Variants in ADARB2 observed in about 807,000 individuals in gnomAD.
ADARB2 encodes adenosine deaminase RNA specific B2 (inactive).
Under a neutral mutation model 62.2 loss-of-function variants are expected in ADARB2, and 25 were observed. The observed-to-expected ratio is 0.40, with a 90% CI of 0.29 to 0.56. ADARB2 has a LOEUF of 0.56. Ranked by LOEUF, ADARB2 falls within the 20% of genes least tolerant of loss-of-function variation. ADARB2 has a pLI of 0.43. For missense variants in ADARB2, 1,071 were observed against 1,077.4 expected, an observed-to-expected ratio of 0.99 and a Z score of 0.08; for synonymous variants, 572 against 500.8, an observed-to-expected ratio of 1.14 and a Z score of -1.90.
chr10:1,473,029 C>A lies in ADARB2; in HGVS notation c.101-93869G>T, dbSNP rs143512374. Among the ~76,000 whole-genome samples, 65 of 152,300 alleles carry A rather than the reference C, an allele frequency of 4.3e-4. 2 individuals are homozygous for A. The highest frequency in any genetic ancestry group is 8.2e-4 in the Non-Finnish European group (56 of 68,022). ...AACTGGGCTAGTGGGCTCAGGCGTG[C>A]ACATGTGGACAGCCCACTCCAAGCG... On this transcript the variant is annotated intron_variant, in intron 1 of 9. Coordinates refer to ENST00000381312, the MANE Select transcript of ADARB2 (RefSeq NM_018702.4).
intron 1 of ADARB2, among the ~76,000 whole-genome samples, chr10:1,585,774 C>T (rs3956254): frequency 0.13 from 19,457 of 152,212 alleles, 1,385 homozygotes; most frequent in East Asian, 0.19. Context: ...GTGTCTCACA[C>T]CTGTAATCTC....
chr10:1,717,412 G>A lies in ADARB2; in HGVS notation c.100+19639C>T, dbSNP rs190536352. On this transcript the variant is annotated intron_variant, in intron 1 of 9. Coordinates refer to ENST00000381312, the MANE Select transcript of ADARB2 (RefSeq NM_018702.4). ...TCCCTCTGCACCCACTCCTCAGACG[G>A]GTCCTCACTCTCAGACCCTGCGCGA... is the stretch of plus-strand genomic sequence containing the variant. Among the ~76,000 whole-genome samples the A allele has an allele frequency of 3.7e-3, 567 of 151,416 alleles. 4 individuals are homozygous for A. The highest frequency in any genetic ancestry group is 0.013 in the African/African-American group (542 of 41,256).
intron 3 of ADARB2, among the ~76,000 whole-genome samples, chr10:1,339,275 G>A (rs1159925024): frequency 6.6e-6 from 1 of 152,212 alleles, no homozygotes; most frequent in African/African-American, 2.4e-5. Flanking sequence ...GCAACATGGT[G>A]ACCACGATTC....
At chr10:1,416,054 G>C (rs1165476816) in intron 1 of ADARB2, among the ~76,000 whole-genome samples, 1 of 152,234 alleles carries the variant, frequency 6.6e-6, no homozygotes, top group East Asian at 1.9e-4. Flanking sequence ...GGCTTAACAA[G>C]CAGTACACAT....
chr10:1,408,969 T>C (rs1832730733), intron 1 of ADARB2, among the ~76,000 whole-genome samples: 1 of 152,154 alleles, frequency 6.6e-6, no homozygotes, highest in Admixed American at 6.6e-5. Context: ...AGCTGCTGGC[T>C]CCGTGGTGGT....
chr10:1,391,812 T>C (rs1832573793), intron 1 of ADARB2, among the ~76,000 whole-genome samples: 1 of 146,286 alleles, frequency 6.8e-6, no homozygotes, highest in Non-Finnish European at 1.5e-5. Flanking sequence ...TTTCACTCTG[T>C]CACCCAGGCT....
chr10:1,701,838 C>T (rs1426848188), intron 1 of ADARB2, among the ~76,000 whole-genome samples: 1 of 149,062 alleles, frequency 6.7e-6, no homozygotes, highest in Non-Finnish European at 1.5e-5. Context: ...ACAGGGAGAC[C>T]AGGCGCTCAC....
intron 1 of ADARB2, among the ~76,000 whole-genome samples, chr10:1,601,749 T>C (rs1833416656): frequency 6.6e-6 from 1 of 152,222 alleles, no homozygotes; most frequent in South Asian, 2.1e-4. Context: ...CGCTGCGGTC[T>C]GTGCTCCGGG....
At chr10:1,529,305 A>G (rs920468201) in intron 1 of ADARB2, among the ~76,000 whole-genome samples, 1 of 151,326 alleles carries the variant, frequency 6.6e-6, no homozygotes, top group Non-Finnish European at 1.5e-5. Context: ...CATCCCCAAC[A>G]CAAATCCTCC....
At chr10:1,298,698 G>A (rs75819565) in intron 3 of ADARB2, among the ~76,000 whole-genome samples, 11,245 of 138,774 alleles carry the variant, frequency 0.081, 598 homozygotes, top group East Asian at 0.12. Context: ...CAATGCTGCC[G>A]ACTATCCCAT....
chr10:1,666,473 C>T (rs999394854), intron 1 of ADARB2, among the ~76,000 whole-genome samples: 10 of 152,250 alleles, frequency 6.6e-5, no homozygotes, highest in Non-Finnish European at 2.9e-5. Flanking sequence ...TTCCCCCAAT[C>T]GTGTTCCCGC....
At chr10:1,674,931 T>A (rs1834442249) in intron 1 of ADARB2, 1 of 981,974 alleles carries the variant, frequency 1.0e-6, no homozygotes, top group African/African-American at 1.8e-5. Context: ...TGCATGGATG[T>A]TCTGGAGGTT....
chr10:1,459,246 C>T (rs112637181), intron 1 of ADARB2, among the ~76,000 whole-genome samples: 10,886 of 152,202 alleles, frequency 0.072, 491 homozygotes, highest in South Asian at 0.18. Context: ...TGCAGCACTA[C>T]TCACAATAGC....
chr10:1,434,866 T>A (rs187710725), intron 1 of ADARB2, among the ~76,000 whole-genome samples: 1 of 152,166 alleles, frequency 6.6e-6, no homozygotes, highest in Non-Finnish European at 1.5e-5. Flanking sequence ...TCATTCTGAG[T>A]TGGTCTGGCG....
intron 4 of ADARB2, among the ~76,000 whole-genome samples, chr10:1,251,269 C>T (rs979522749): frequency 2.0e-5 from 3 of 152,074 alleles, no homozygotes; most frequent in Non-Finnish European, 4.4e-5. Flanking sequence ...AGTTATCAAG[C>T]CATGAAAAGA....
intron 4 of ADARB2, among the ~76,000 whole-genome samples, chr10:1,266,752 CT>C (rs931483876): frequency 2.6e-5 from 4 of 152,202 alleles, no homozygotes; most frequent in African/African-American, 9.6e-5. Context: ...GCCACTGCCC[CT>C]GGCCTGGAGG....
chr10:1,463,130 C>T (rs542306960), intron 1 of ADARB2, among the ~76,000 whole-genome samples: 1 of 152,184 alleles, frequency 6.6e-6, no homozygotes, highest in East Asian at 1.9e-4. Flanking sequence ...TTGAGAAGGA[C>T]GTGCTCTCCA....
rs185386012 is a variant in ADARB2, at chr10:1,736,979, C to T, written c.100+72G>A. The T allele has an allele frequency of 1.5e-3, 2,180 of 1,492,984 alleles. 56 individuals are homozygous for T. The Admixed American group carries it at 0.034, about 23-fold the overall frequency. The allele number at this position is 1,492,984 out of a possible 1,614,324, so 92.5% of individuals were successfully genotyped here. ...TGCTCACAACGGACAAGCCCGGAGA[C>T]CCCATGAGAGGCCGGGGTGGAGAAG... On this transcript the variant is annotated intron_variant, in intron 1 of 9. Coordinates refer to ENST00000381312, the MANE Select transcript of ADARB2 (RefSeq NM_018702.4).
At chr10:1,213,077 T>G (rs1589153216) in intron 7 of ADARB2, among the ~76,000 whole-genome samples, 1 of 148,316 alleles carries the variant, frequency 6.7e-6, no homozygotes, top group East Asian at 2.0e-4. Flanking sequence ...TGAGGGAGGG[T>G]GAGTGGAGCA....
Sources: allele counts gnomAD v4.1 joint callset (sites outside exome capture counted in the v4.1 genomes callset), GRCh38; gene constraint gnomAD v4.1.1; transcripts MANE v1.5; gene names NCBI Gene and HGNC (gene_info 2026-07-23, HGNC 2026-07-21).